The following AAR2 variants were observed in gnomAD, a reference collection of about 807,000 sequenced individuals.
AAR2 encodes AAR2 splicing factor.
A neutral mutation model predicts 26.9 loss-of-function variants in AAR2; 31 were observed. That is an observed-to-expected ratio of 1.15 (90% CI 0.86 to 1.55). The LOEUF is 1.55. AAR2 is among the 40% of genes most tolerant of loss of function. The pLI is 0.00. For synonymous variants in AAR2, 188 were observed against 196.1 expected (o/e 0.96, Z 0.34); for missense variants, 430 against 491.3 (o/e 0.88, Z 1.18).
chr20:36,250,103 C>T (rs150123856), intron 3 of AAR2, among the ~76,000 whole-genome samples: 2 of 152,248 alleles, frequency 1.3e-5, no homozygotes, highest in Admixed American at 1.3e-4. Context: ...TAGCTACCTA[C>T]CTTGATATTT....
intron 2 of AAR2, among the ~76,000 whole-genome samples, chr20:36,242,705 A>G (rs1008757847): frequency 2.6e-5 from 4 of 152,212 alleles, no homozygotes; most frequent in Admixed American, 2.0e-4. Flanking sequence ...TAACAGGTAC[A>G]TCTTAATGCA....
intron 2 of AAR2, among the ~76,000 whole-genome samples, chr20:36,243,697 A>G (rs907297573): frequency 2.6e-5 from 4 of 152,200 alleles, no homozygotes; most frequent in African/African-American, 9.7e-5. Context: ...TTGGGAACAT[A>G]ATATTTTTTG....
At chr20:36,245,850 G>A (rs1375116835) in intron 3 of AAR2, among the ~76,000 whole-genome samples, 4 of 152,134 alleles carry the variant, frequency 2.6e-5, no homozygotes, top group African/African-American at 4.8e-5. Flanking sequence ...GTGAGACCCC[G>A]TCTCTCCAAA....
At chr20:36,247,560 A>T (rs536314227) in intron 3 of AAR2, among the ~76,000 whole-genome samples, 103 of 133,668 alleles carry the variant, frequency 7.7e-4, no homozygotes, top group African/African-American at 1.1e-3. Flanking sequence ...CATGCTTTTT[A>T]AAAAAAAAAA....
chr20:36,250,922 C>A (rs572101216), intron 3 of AAR2, among the ~76,000 whole-genome samples: 1 of 152,086 alleles, frequency 6.6e-6, no homozygotes, highest in African/African-American at 2.4e-5. Context: ...AAATACCAGG[C>A]GTGGTGGCTC....
At chr20:36,252,169 G>T (rs1043282549) in intron 3 of AAR2, among the ~76,000 whole-genome samples, 3 of 152,146 alleles carry the variant, frequency 2.0e-5, no homozygotes, top group Admixed American at 6.5e-5. Context: ...GCATTCAGGG[G>T]CCTGGTAAAG....
At chr20:36,247,899 T>TTA (rs1555886846) in intron 3 of AAR2, among the ~76,000 whole-genome samples, 5 of 151,184 alleles carry the variant, frequency 3.3e-5, no homozygotes, top group African/African-American at 1.2e-4. Flanking sequence ...AAAATTGTGG[T>TTA]AAAAAAAAAC....
intron 3 of AAR2, among the ~76,000 whole-genome samples, chr20:36,246,911 T>C (rs2064739490): frequency 6.6e-6 from 1 of 152,248 alleles, no homozygotes; most frequent in African/African-American, 2.4e-5. Flanking sequence ...ATTCTTCATA[T>C]ATAACATTCT....
chr20:36,237,749 C>CTTA lies in AAR2; in HGVS notation c.-49+1246_-49+1247insTTA, dbSNP rs1601171232. Reference sequence around the variant, plus strand: ...CAGGATTACAAATAGGAAGATGATACGTATTATTATTATTATTATTATTAT... The same window carrying CTTA: ...CAGGATTACAAATAGGAAGATGATACTTAGTATTATTATTATTATTATTATTAT... On this transcript the variant is annotated intron_variant, in intron 1 of 3. Transcript: ENST00000320849. Among the ~76,000 whole-genome samples the CTTA allele has an allele frequency of 7.8e-5, 10 of 128,286 alleles. No individual in the cohort carries two copies. The South Asian group carries it at 2.6e-3, about 33-fold the overall frequency. The allele number at this position is 128,286 out of a possible 152,430, so 84.2% of individuals were successfully genotyped here. A position where few individuals can be genotyped will look rare whatever the true frequency, so the allele number is the denominator to read the frequency against.
At chr20:36,251,390 T>G (rs2064779007) in intron 3 of AAR2, among the ~76,000 whole-genome samples, 1 of 152,010 alleles carries the variant, frequency 6.6e-6, no homozygotes. Context: ...TGAATAAAAT[T>G]AATTGTGTGT....
intron 3 of AAR2, 138 bp from the exon 4 acceptor site, chr20:36,255,440 G>A: frequency 1.1e-6 from 1 of 945,796 alleles, no homozygotes; most frequent in South Asian, 1.5e-5. Flanking sequence ...GGGGAGCATA[G>A]CAGGTGTCCT....
chr20:36,255,427 TGG>T, intron 3 of AAR2, 149 bp from the exon 4 acceptor site: 1 of 864,892 alleles, frequency 1.2e-6, no homozygotes, highest in Non-Finnish European at 1.8e-6. Context: ...TTTCTTGGTT[TGG>T]GGGGAGCATA....
At chr20:36,247,508 A>G (rs1202182703) in intron 3 of AAR2, among the ~76,000 whole-genome samples, 1 of 152,010 alleles carries the variant, frequency 6.6e-6, no homozygotes, top group Non-Finnish European at 1.5e-5. Flanking sequence ...AACTCCAGCA[A>G]CAGTGGTCTC....
At chr20:36,251,785 G>T (rs557122856) in intron 3 of AAR2, among the ~76,000 whole-genome samples, 1 of 152,330 alleles carries the variant, frequency 6.6e-6, no homozygotes, top group East Asian at 1.9e-4. Flanking sequence ...TAGACTGAAG[G>T]TGTCTGTTTT....
In AAR2 at chr20:36,255,773, G is replaced by T. The variant is rs1484253340; in HGVS notation, c.*28G>T. ...CGGGGAGCGCTCTCAGCTGCGAGGG[G>T]CCCCTTCCCACAGGGCTGCAGTCCT... On this transcript the variant is annotated 3_prime_UTR_variant, in exon 4 of 4. Transcript: ENST00000320849. 1.2e-6 allele frequency: 2 copies of T among 1,612,812 alleles called. No individual in the cohort carries two copies. Among genetic ancestry groups the T allele is most frequent in the African/African-American group, 2.7e-5 (2 of 74,882 alleles).
chr20:36,240,496 G>T lies in AAR2; in HGVS notation c.628G>T (p.Glu210Ter), dbSNP rs771094947. 1 of 1,614,098 alleles carries T rather than the reference G, an allele frequency of 6.2e-7. No individual in the cohort carries two copies. Among genetic ancestry groups the T allele is most frequent in the Non-Finnish European group, 8.5e-7 (1 of 1,180,042 alleles). ...AGCCGGGACAGAGATCCGCTTCTCA[G>T]AGCTGCCCACGCAGATGTTCCCAGA... ...PRAGTEIRFS[E>*]LPTQMFPEGA... The change falls in exon 2 of 4, where the codon GAG becomes TAG. Residue 210 changes from glutamate to a stop codon, truncating the protein, a stop_gained. Coordinates refer to ENST00000320849, the MANE Select transcript of AAR2 (RefSeq NM_001271874.2). LOFTEE classifies it high-confidence loss of function.
At chr20:36,242,837 C>T (rs2064696971) in intron 2 of AAR2, among the ~76,000 whole-genome samples, 1 of 148,954 alleles carries the variant, frequency 6.7e-6, no homozygotes, top group Non-Finnish European at 1.5e-5. Context: ...AGGTCTGTTA[C>T]AGGAATAACT....
chr20:36,243,891 C>A (rs1327976209), intron 2 of AAR2, among the ~76,000 whole-genome samples: 2 of 152,222 alleles, frequency 1.3e-5, no homozygotes, highest in East Asian at 1.9e-4. Context: ...GGCTCCAGAG[C>A]CCATGCTCTT....
intron 3 of AAR2, among the ~76,000 whole-genome samples, chr20:36,246,392 A>G (rs2064734786): frequency 6.6e-6 from 1 of 152,230 alleles, no homozygotes; most frequent in Admixed American, 6.5e-5. Context: ...TGAGTCAGTC[A>G]AGCGCATGAT....
Sources: gnomAD v4.1 joint callset for allele counts (sites outside exome capture counted in the v4.1 genomes callset) on GRCh38, gnomAD v4.1.1 for gene constraint, MANE v1.5 for transcripts, NCBI Gene and HGNC (gene_info 2026-07-23, HGNC 2026-07-21) for gene names.